The following KCNMB2 variants were observed in gnomAD, a reference collection of about 807,000 sequenced individuals.
KCNMB2 encodes potassium calcium-activated channel subfamily M regulatory beta subunit 2, also known as calcium-activated potassium channel subunit beta-2.
In KCNMB2, 9 loss-of-function variants were observed where a neutral mutation model predicts 24.5. That is an observed-to-expected ratio of 0.37 (90% CI 0.22 to 0.64). The LOEUF is 0.64. Ranked by LOEUF, KCNMB2 falls within the 30% of genes least tolerant of loss-of-function variation. KCNMB2 has a pLI of 0.63. For missense variants in KCNMB2, 226 were observed against 284.3 expected (o/e 0.79, Z 1.47); for synonymous variants, 109 against 104.4 (o/e 1.04, Z -0.27).
chr3:178,793,451 A>G (rs1428305502), intron 1 of KCNMB2, among the ~76,000 whole-genome samples: 1 of 151,904 alleles, frequency 6.6e-6, no homozygotes. Flanking sequence ...TCAAAGCTGG[A>G]CTACAGTGAT....
chr3:178,542,960 C>T (rs1266181561), intron 1 of KCNMB2, among the ~76,000 whole-genome samples: 1 of 152,158 alleles, frequency 6.6e-6, no homozygotes, highest in Non-Finnish European at 1.5e-5. Context: ...ATGAAATAAC[C>T]TGTGCCCAGG....
intron 1 of KCNMB2, among the ~76,000 whole-genome samples, chr3:178,708,037 T>G (rs1722334858): frequency 6.6e-6 from 1 of 152,170 alleles, no homozygotes; most frequent in Admixed American, 6.6e-5. Context: ...GCTGACTGAT[T>G]CATGAATTGC....
At chr3:178,597,967 C>G (rs1473127684) in intron 1 of KCNMB2, among the ~76,000 whole-genome samples, 2 of 151,484 alleles carry the variant, frequency 1.3e-5, no homozygotes, top group East Asian at 1.9e-4. Context: ...AAACATGGAG[C>G]CTTAATAAGA....
intron 1 of KCNMB2, among the ~76,000 whole-genome samples, chr3:178,795,670 C>T (rs997043806): frequency 6.6e-6 from 1 of 152,142 alleles, no homozygotes; most frequent in Non-Finnish European, 1.5e-5. Flanking sequence ...CCTGCCAGCA[C>T]CTTGACCTTA....
chr3:178,671,723 A>G (rs1720906159), intron 1 of KCNMB2, among the ~76,000 whole-genome samples: 2 of 152,182 alleles, frequency 1.3e-5, no homozygotes, highest in East Asian at 3.8e-4. Context: ...TGCTTCCCTG[A>G]AAACAAAGAG....
At chr3:178,648,832 T>C (rs1720009697) in intron 1 of KCNMB2, among the ~76,000 whole-genome samples, 1 of 152,206 alleles carries the variant, frequency 6.6e-6, no homozygotes, top group South Asian at 2.1e-4. Context: ...TATAGTTTGC[T>C]GCCTCATTTT....
At chr3:178,826,118 C>T (rs1226959693) in intron 3 of KCNMB2, among the ~76,000 whole-genome samples, 2 of 152,174 alleles carry the variant, frequency 1.3e-5, no homozygotes, top group African/African-American at 4.8e-5. Context: ...GCCCACATCT[C>T]GCTTATTCCA....
chr3:178,701,854 G>A (rs1174124702), intron 1 of KCNMB2, among the ~76,000 whole-genome samples: 2 of 152,194 alleles, frequency 1.3e-5, no homozygotes, highest in East Asian at 3.9e-4. Context: ...GTGGAAGACA[G>A]TGTGGTGATT....
Position 178,644,763 on chromosome 3 carries a change from G to A in KCNMB2, c.-68+108052G>A, listed in dbSNP as rs973784806. ...AACATGGTGTTACAGAAGAAATAGCGAACTTGGAGTCACACAATCTCAGTA... is the reference window on the plus strand; with the variant it reads ...AACATGGTGTTACAGAAGAAATAGCAAACTTGGAGTCACACAATCTCAGTA... On this transcript the variant is annotated intron_variant, in intron 1 of 4. Coordinates refer to ENST00000452583, the MANE Select transcript of KCNMB2 (RefSeq NM_181361.3). Among the ~76,000 whole-genome samples the A allele has an allele frequency of 4.6e-5, 7 of 152,164 alleles. No individual in the cohort carries two copies. The South Asian group carries it at 6.2e-4, about 14-fold the overall frequency.
intron 1 of KCNMB2, among the ~76,000 whole-genome samples, chr3:178,750,278 AG>A (rs144079024): frequency 0.017 from 2,582 of 152,336 alleles, 46 homozygotes; most frequent in Middle Eastern, 0.061. Flanking sequence ...GGAAAAGAAA[AG>A]GAAGTAAAGT....
chr3:178,644,729 T>C (rs759607074), intron 1 of KCNMB2, among the ~76,000 whole-genome samples: 36 of 152,138 alleles, frequency 2.4e-4, no homozygotes, highest in Non-Finnish European at 4.6e-4. Context: ...TGAGGCAGAG[T>C]AGCAGGCAAA....
At chr3:178,775,593 A>G (rs1167817949) in intron 1 of KCNMB2, among the ~76,000 whole-genome samples, 2 of 152,234 alleles carry the variant, frequency 1.3e-5, no homozygotes, top group Non-Finnish European at 2.9e-5. Context: ...CCTCAGATAT[A>G]CTATGCAAAA....
At chr3:178,553,421 CAAACCACTCAAATGCAAGAAATGAT>C (rs1206518871) in intron 1 of KCNMB2, among the ~76,000 whole-genome samples, 1 of 151,958 alleles carries the variant, frequency 6.6e-6, no homozygotes, top group Non-Finnish European at 1.5e-5. Context: ...AAGGCATGGA[CAAACCACTCAAATGCAAGAAATGAT>C]GGGAATTGTG....
chr3:178,783,064 C>T (rs1235737541), intron 1 of KCNMB2, among the ~76,000 whole-genome samples: 31 of 150,372 alleles, frequency 2.1e-4, no homozygotes, highest in Non-Finnish European at 4.5e-5. Context: ...TTCCCCATTG[C>T]TTGTTTTTCT....
chr3:178,594,847 A>G (rs1482181784), intron 1 of KCNMB2, among the ~76,000 whole-genome samples: 1 of 152,080 alleles, frequency 6.6e-6, no homozygotes, highest in Non-Finnish European at 1.5e-5. Context: ...TTACACAACA[A>G]TACTAAAGTT....
At chr3:178,646,567 C>T (rs1719931538) in intron 1 of KCNMB2, among the ~76,000 whole-genome samples, 1 of 152,188 alleles carries the variant, frequency 6.6e-6, no homozygotes, top group African/African-American at 2.4e-5. Flanking sequence ...AAGCATGACA[C>T]TCACTGTAAA....
chr3:178,755,410 A>C (rs977296865), intron 1 of KCNMB2, among the ~76,000 whole-genome samples: 3 of 152,194 alleles, frequency 2.0e-5, no homozygotes, highest in Non-Finnish European at 4.4e-5. Flanking sequence ...GATCTGTTTC[A>C]ATTTTTGTTT....
intron 3 of KCNMB2, among the ~76,000 whole-genome samples, chr3:178,826,972 G>A (rs1270573734): frequency 6.6e-6 from 1 of 152,140 alleles, no homozygotes; most frequent in Non-Finnish European, 1.5e-5. Context: ...TAAGCAAAAT[G>A]TGACCACCCA....
chr3:178,583,551 G>C (rs985100701), intron 1 of KCNMB2, among the ~76,000 whole-genome samples: 4 of 152,120 alleles, frequency 2.6e-5, no homozygotes, highest in African/African-American at 9.7e-5. Context: ...AACAATAACT[G>C]TTTCTCATTG....
Sources: allele counts gnomAD v4.1 joint callset (sites outside exome capture counted in the v4.1 genomes callset), GRCh38; gene constraint gnomAD v4.1.1; transcripts MANE v1.5; gene names NCBI Gene and HGNC (gene_info 2026-07-23, HGNC 2026-07-21).